GRIK4: variants seen among roughly 807,000 people sequenced by gnomAD.
GRIK4 encodes the protein glutamate ionotropic receptor kainate type subunit 4.
A neutral mutation model predicts 104.9 loss-of-function variants in GRIK4; 40 were observed. That is an observed-to-expected ratio of 0.38 (90% CI 0.30 to 0.50). The LOEUF is 0.50. Ranked by LOEUF, GRIK4 falls within the 20% of genes least tolerant of loss-of-function variation. The probability of loss-of-function intolerance (pLI) is 0.93; values close to 1 mark genes in which losing one functional copy is unlikely to be tolerated. For synonymous variants in GRIK4, 485 were observed against 524.9 expected, an observed-to-expected ratio of 0.92 and a Z score of 1.04; for missense variants, 1,047 against 1,308.1, an observed-to-expected ratio of 0.80 and a Z score of 3.08.
chr11:120,766,574 C>G (rs918295490), intron 3 of GRIK4, among the ~76,000 whole-genome samples: 2 of 152,216 alleles, frequency 1.3e-5, no homozygotes, highest in Non-Finnish European at 2.9e-5. Context: ...ACCCAGGGGC[C>G]TTGTGGTGTA....
At chr11:120,646,262 T>A (rs115106995) in intron 1 of GRIK4, among the ~76,000 whole-genome samples, 52 of 152,364 alleles carry the variant, frequency 3.4e-4, no homozygotes, top group African/African-American at 1.2e-3. Flanking sequence ...CAGCTAATAT[T>A]TGACAGCAAC....
intron 2 of GRIK4, 64 bp from the exon 3 acceptor site, chr11:120,660,205 G>A: frequency 1.4e-6 from 1 of 727,590 alleles, no homozygotes; most frequent in African/African-American, 1.7e-5. Context: ...GTGTCACTGG[G>A]ATGGTGGGGC....
chr11:120,930,640 G>A (rs1943464378), intron 13 of GRIK4, among the ~76,000 whole-genome samples: 1 of 152,238 alleles, frequency 6.6e-6, no homozygotes, highest in Non-Finnish European at 1.5e-5. Flanking sequence ...AGACAAGGGA[G>A]GGCTTATGCC....
chr11:120,826,290 C>T (rs1388422695), intron 6 of GRIK4, among the ~76,000 whole-genome samples: 2 of 152,144 alleles, frequency 1.3e-5, no homozygotes, highest in East Asian at 3.9e-4. Context: ...ATCTTTCCTA[C>T]AGTATGGGAC....
intron 15 of GRIK4, among the ~76,000 whole-genome samples, chr11:120,954,237 A>G (rs1944080358): frequency 6.6e-6 from 1 of 152,098 alleles, no homozygotes; most frequent in Non-Finnish European, 1.5e-5. Context: ...AAGATCAGGA[A>G]GGTCTTTGGG....
intron 19 of GRIK4, among the ~76,000 whole-genome samples, chr11:120,972,058 T>C (rs757272352): frequency 6.6e-6 from 1 of 152,188 alleles, no homozygotes; most frequent in Non-Finnish European, 1.5e-5. Flanking sequence ...AAAATACATG[T>C]GAATTTTGCA....
rs114343964 is a variant in GRIK4, at chr11:120,792,664, G to A, written c.83-10029G>A. Among the ~76,000 whole-genome samples, 840 of 152,262 alleles carry A rather than the reference G, an allele frequency of 5.5e-3. 12 individuals are homozygous for A. Among genetic ancestry groups the A allele is most frequent in the African/African-American group, 0.018 (765 of 41,542 alleles). ...TTGGAGACTGGTTATTGGAAGGTGC[G>A]GAATTGGGTGAAGGCACGATGCCTG... On this transcript the variant is annotated intron_variant, in intron 3 of 20. Coordinates refer to ENST00000527524, the MANE Select transcript of GRIK4 (RefSeq NM_014619.5).
chr11:120,652,885 A>G (rs1949640115), intron 1 of GRIK4, among the ~76,000 whole-genome samples: 1 of 152,214 alleles, frequency 6.6e-6, no homozygotes, highest in South Asian at 2.1e-4. Flanking sequence ...GATGGAGTCC[A>G]GACAGCATGT....
chr11:120,530,870 A>G (rs1169289388), intron 1 of GRIK4, among the ~76,000 whole-genome samples: 1 of 152,192 alleles, frequency 6.6e-6, no homozygotes, highest in Non-Finnish European at 1.5e-5. Flanking sequence ...GCTTCCCTAC[A>G]GTGGACGGCA....
intron 3 of GRIK4, among the ~76,000 whole-genome samples, chr11:120,702,498 A>G (rs947681374): frequency 2.0e-5 from 3 of 152,208 alleles, no homozygotes; most frequent in African/African-American, 7.2e-5. Flanking sequence ...GATTGTACTT[A>G]AAGCCACGAG....
At chr11:120,708,916 C>T (rs1056778102) in intron 3 of GRIK4, among the ~76,000 whole-genome samples, 23 of 138,098 alleles carry the variant, frequency 1.7e-4, no homozygotes, top group African/African-American at 7.4e-4. Flanking sequence ...CGGCTGGCTG[C>T]TTTCGATGGG....
chr11:120,875,276 CCTCCT>C, intron 11 of GRIK4, 33 bp downstream of exon 11: 2 of 1,302,184 alleles, frequency 1.5e-6, no homozygotes, highest in Non-Finnish European at 2.2e-6. Context: ...GATGGCAGGT[CCTCCT>C]CTCTGTTCCA....
intron 3 of GRIK4, among the ~76,000 whole-genome samples, chr11:120,662,578 G>A (rs1949834860): frequency 6.6e-6 from 1 of 152,164 alleles, no homozygotes; most frequent in Non-Finnish European, 1.5e-5. Flanking sequence ...GAAAACACAA[G>A]TAGCTGTGCT....
At chr11:120,690,392 C>T (rs1367489344) in intron 3 of GRIK4, among the ~76,000 whole-genome samples, 2 of 152,258 alleles carry the variant, frequency 1.3e-5, no homozygotes, top group Non-Finnish European at 2.9e-5. Flanking sequence ...CATTCTCCCA[C>T]TGCAATCCTT....
chr11:120,755,034 A>G (rs983140996), intron 3 of GRIK4, among the ~76,000 whole-genome samples: 4 of 152,214 alleles, frequency 2.6e-5, no homozygotes, highest in African/African-American at 9.6e-5. Context: ...ACTGCAAACG[A>G]TGTCAGTGTT....
At chr11:120,844,730 C>T (rs1025543033) in intron 8 of GRIK4, among the ~76,000 whole-genome samples, 13 of 152,222 alleles carry the variant, frequency 8.5e-5, no homozygotes, top group African/African-American at 3.1e-4. Flanking sequence ...CTGGAATACC[C>T]TTCCTCCCAT....
At chr11:120,576,252 T>G (rs1948482360) in intron 1 of GRIK4, 1 of 152,236 alleles carries the variant, frequency 6.6e-6, no homozygotes, top group Non-Finnish European at 1.5e-5. Flanking sequence ...ACAACTCCTA[T>G]TATTTCAGGG....
At chr11:120,843,261 T>C (rs1270792727) in intron 8 of GRIK4, among the ~76,000 whole-genome samples, 1 of 152,236 alleles carries the variant, frequency 6.6e-6, no homozygotes, top group Non-Finnish European at 1.5e-5. Context: ...AGCTCCCTGC[T>C]CTCGGCACCG....
rs987522612 is a variant in GRIK4, at chr11:120,660,415, G to C, written c.82+15G>C. The C allele has an allele frequency of 6.3e-7, 1 of 1,594,314 alleles. No individual in the cohort carries two copies. The highest frequency in any genetic ancestry group is 8.6e-7 in the Non-Finnish European group (1 of 1,164,688). On this transcript the variant is annotated intron_variant, in intron 3 of 20. Coordinates refer to ENST00000527524, the MANE Select transcript of GRIK4 (RefSeq NM_014619.5). Reference sequence around the variant, plus strand: ...CTTGAGGATCGGTAAGTGTGGCCCAGCTTGGGGCAGTGCCCCCACCCACTA... The same window carrying C: ...CTTGAGGATCGGTAAGTGTGGCCCACCTTGGGGCAGTGCCCCCACCCACTA...
Sources: allele counts gnomAD v4.1 joint callset (sites outside exome capture counted in the v4.1 genomes callset), GRCh38; gene constraint gnomAD v4.1.1; transcripts MANE v1.5; gene names NCBI Gene and HGNC (gene_info 2026-07-23, HGNC 2026-07-21).